The following F2 variants were observed in gnomAD, a reference collection of about 807,000 sequenced individuals.
F2 encodes prothrombin.
A neutral mutation model predicts 81.9 loss-of-function variants in F2; 34 were observed. The observed-to-expected ratio is 0.42, with a 90% CI of 0.32 to 0.55. The LOEUF (loss-of-function observed/expected upper bound fraction) is 0.55. Among genes scored for constraint, F2 ranks in the 20% least tolerant of loss-of-function variants. The pLI is 0.18. For missense variants in F2, 630 were observed against 833.4 expected (o/e 0.76, Z 3.00); for synonymous variants, 296 against 326.4 (o/e 0.91, Z 1.01).
At position 46,739,385 on chromosome 11, in the gene F2, G is replaced by A. The variant is rs1356369927; in HGVS notation, c.1846G>A (p.Val616Ile). ...CCGCCTGAAGAAGTGGATACAGAAG[G>A]TCATTGATCAGTTTGGAGAGTAGGG... The part of the protein sequence containing the change: ...VFRLKKWIQK[V>I]IDQFGE The change falls in exon 14 of 14, where the codon GTC (valine) becomes ATC (isoleucine). Residue 616 changes from valine to isoleucine, a missense_variant. Coordinates refer to ENST00000311907, the MANE Select transcript of F2 (RefSeq NM_000506.5). The A allele has an allele frequency of 6.2e-7, 1 of 1,614,128 alleles. No homozygotes were observed. Among genetic ancestry groups the A allele is most frequent in the Non-Finnish European group, 8.5e-7 (1 of 1,180,024 alleles).
chr11:46,722,870 T>G (rs2064845955), intron 4 of F2, among the ~76,000 whole-genome samples: 1 of 152,174 alleles, frequency 6.6e-6, no homozygotes, highest in African/African-American at 2.4e-5. Flanking sequence ...CCTTCATCAC[T>G]TTTTCATCCT....
chr11:46,735,371 G>A (rs952710513), intron 12 of F2, among the ~76,000 whole-genome samples: 1 of 152,040 alleles, frequency 6.6e-6, no homozygotes, highest in African/African-American at 2.4e-5. Context: ...AACCCAGGAG[G>A]TGGAGGTTGC....
chr11:46,733,478 C>T (rs1039424781), intron 12 of F2, among the ~76,000 whole-genome samples: 1 of 152,190 alleles, frequency 6.6e-6, no homozygotes, highest in Admixed American at 6.5e-5. Context: ...GCTAGGATTA[C>T]AGGTGTGAGC....
chr11:46,724,989 C>T lies in F2; in HGVS notation c.560-870C>T, dbSNP rs1006722211. Among the ~76,000 whole-genome samples the T allele has an allele frequency of 2.0e-5, 3 of 150,612 alleles. No homozygotes were observed. The Admixed American group carries it at 2.0e-4, about 10-fold the overall frequency. ...GTTTCACCATGTTGGCCAGGCTGAT[C>T]TCAAACTCCTGACCTTGTGATCCTC... On this transcript the variant is annotated intron_variant, in intron 6 of 13. Transcript: ENST00000311907.
intron 6 of F2, among the ~76,000 whole-genome samples, chr11:46,725,442 G>A (rs758996842): frequency 2.0e-5 from 3 of 152,094 alleles, no homozygotes; most frequent in Admixed American, 2.0e-4. Context: ...CCATACACAC[G>A]CACACACATT....
chr11:46,727,204 T>TAG (rs1366697100), intron 9 of F2, among the ~76,000 whole-genome samples: 1 of 152,096 alleles, frequency 6.6e-6, no homozygotes, highest in Non-Finnish European at 1.5e-5. Flanking sequence ...GTATTTTAAG[T>TAG]AGAGACAGGG....
intron 11 of F2, among the ~76,000 whole-genome samples, 181 bp downstream of exon 11, chr11:46,729,018 C>T (rs765580582): frequency 2.0e-5 from 3 of 151,790 alleles, no homozygotes; most frequent in Non-Finnish European, 4.4e-5. Flanking sequence ...TATTTACTGA[C>T]GGAGTTCCAC....
At chr11:46,734,139 C>T (rs546070579) in intron 12 of F2, among the ~76,000 whole-genome samples, 11 of 151,912 alleles carry the variant, frequency 7.2e-5, no homozygotes, top group Non-Finnish European at 1.3e-4. Flanking sequence ...GCTTTGTCAC[C>T]CAGGCTGGAG....
intron 4 of F2, among the ~76,000 whole-genome samples, chr11:46,721,841 A>ATT (rs1195063307): frequency 0.063 from 8,132 of 129,926 alleles, 332 homozygotes; most frequent in Non-Finnish European, 0.091. Flanking sequence ...CCATACTTTC[A>ATT]TTTTTTTTTT....
At position 46,723,088 on chromosome 11, in the gene F2, C is replaced by A; in HGVS notation, c.317-92C>A. On this transcript the variant is annotated intron_variant, in intron 4 of 13. Transcript: ENST00000311907. The surrounding 1 kb of genome is among the most constrained non-coding windows in gnomAD (Gnocchi z 5.6). ...ATGCAGGTTCAGGATTGTGGACCTG[C>A]ATGAGCTGGGAGGTGGGGGATAGAC... The A allele has an allele frequency of 9.6e-7, 1 of 1,044,326 alleles. No homozygotes were observed. Among genetic ancestry groups the A allele is most frequent in the Non-Finnish European group, 1.5e-6 (1 of 660,650 alleles). 64.7% of individuals were successfully genotyped at this position (1,044,326 alleles called of 1,614,324 possible).
chr11:46,720,908 G>T (rs2064831952), intron 4 of F2, 68 bp downstream of exon 4: 6 of 1,584,288 alleles, frequency 3.8e-6, no homozygotes, highest in Non-Finnish European at 5.2e-6. Flanking sequence ...CTCAGGGGTG[G>T]GTTTGGAGTG....
intron 4 of F2, among the ~76,000 whole-genome samples, chr11:46,722,243 A>G (rs957819263): frequency 6.6e-6 from 1 of 152,240 alleles, no homozygotes; most frequent in Non-Finnish European, 1.5e-5. Flanking sequence ...AATCAAATAC[A>G]GTCTCTGCCT....
In F2 at chr11:46,719,553, C is replaced by T; in HGVS notation, c.80-149C>T. The T allele has an allele frequency of 8.9e-7, 1 of 1,119,024 alleles. No individual in the cohort carries two copies. The highest frequency in any genetic ancestry group is 1.4e-5 in the South Asian group (1 of 70,206). The allele number at this position is 1,119,024 out of a possible 1,614,324, so 69.3% of individuals were successfully genotyped here. A position where few individuals can be genotyped will look rare whatever the true frequency, so the allele number is the denominator to read the frequency against. ...AGTGTAGGAGGGGCACAGGGGGCCA[C>T]ATTTAGCAGCCTTCCAGGCACTTCC... On this transcript the variant is annotated intron_variant, in intron 1 of 13. Coordinates refer to ENST00000311907, the MANE Select transcript of F2 (RefSeq NM_000506.5). The surrounding 1 kb of genome is among the most constrained non-coding windows in gnomAD (Gnocchi z 4.7).
chr11:46,730,929 AT>A (rs998634969), intron 12 of F2, among the ~76,000 whole-genome samples: 15 of 150,564 alleles, frequency 1.0e-4, no homozygotes, highest in Admixed American at 7.3e-4. Context: ...AAACCCGGAA[AT>A]TTTTTTTTGA....
chr11:46,734,519 A>G lies in F2; in HGVS notation c.1655-4529A>G, dbSNP rs546999051. Among the ~76,000 whole-genome samples, 12 of 152,320 alleles carry G rather than the reference A, an allele frequency of 7.9e-5. No homozygotes were observed. In the South Asian group the frequency reaches 2.1e-3, roughly 26 times the overall value. On this transcript the variant is annotated intron_variant, in intron 12 of 13. Coordinates refer to ENST00000311907, the MANE Select transcript of F2 (RefSeq NM_000506.5). ...TAAATCTGGATTTTGAATCAGAGAT[A>G]AACTTTTCCTGGCCAGGTGTGGTGT...
At chr11:46,735,739 A>G (rs1660152921) in intron 12 of F2, among the ~76,000 whole-genome samples, 1 of 151,324 alleles carries the variant, frequency 6.6e-6, no homozygotes, top group African/African-American at 2.4e-5. Context: ...CCTGACCAAC[A>G]TGGAAAAACC....
chr11:46,726,905 A>G lies in F2; in HGVS notation c.1130+68A>G, dbSNP rs2064878154. ...GGTGTGCTGCTGGACCCCCACCCTC[A>G]GGCCCTGCCTGCAGGCCTGGGCTTT... On this transcript the variant is annotated intron_variant, in intron 9 of 13. Coordinates refer to ENST00000311907, the MANE Select transcript of F2 (RefSeq NM_000506.5). The surrounding 1 kb of genome is among the most constrained non-coding windows in gnomAD (Gnocchi z 5.9). 1 of 1,606,520 alleles carries G rather than the reference A, an allele frequency of 6.2e-7. No homozygotes were observed. Among genetic ancestry groups the G allele is most frequent in the Non-Finnish European group, 8.5e-7 (1 of 1,174,992 alleles).
At chr11:46,733,219 G>A (rs1297763297) in intron 12 of F2, among the ~76,000 whole-genome samples, 2 of 152,124 alleles carry the variant, frequency 1.3e-5, no homozygotes, top group African/African-American at 2.4e-5. Flanking sequence ...CTAGAATATA[G>A]TTTCAAAATC....
intron 12 of F2, among the ~76,000 whole-genome samples, chr11:46,734,686 C>T (rs1019039410): frequency 7.2e-5 from 11 of 152,120 alleles, no homozygotes; most frequent in African/African-American, 2.4e-4. Flanking sequence ...TGGCTGATGC[C>T]TGTAGTCCCA....
Sources: gnomAD v4.1 joint callset for allele counts (sites outside exome capture counted in the v4.1 genomes callset) on GRCh38, gnomAD v4.1.1 for gene constraint, Gnocchi (gnomAD v3.1) non-coding constraint, MANE v1.5 for transcripts, NCBI Gene and HGNC (gene_info 2026-07-23, HGNC 2026-07-21) for gene names.